Variants in DCLK1 observed in about 807,000 individuals in gnomAD.
DCLK1 encodes serine/threonine-protein kinase DCLK1.
A neutral mutation model predicts 86.2 loss-of-function variants in DCLK1; 16 were observed. The ratio of observed to expected loss-of-function variants is 0.19; its 90% CI spans 0.13 to 0.28. DCLK1 has a LOEUF of 0.28. Among genes scored for constraint, DCLK1 ranks in the 10% least tolerant of loss-of-function variants. DCLK1 has a pLI of 1.00. For missense variants in DCLK1, 590 were observed against 940.2 expected (o/e 0.63, Z 4.87); for synonymous variants, 369 against 370.5 (o/e 1.00, Z 0.05).
At chr13:35,803,183 C>T (rs980538589) in intron 15 of DCLK1, among the ~76,000 whole-genome samples, 2 of 152,304 alleles carry the variant, frequency 1.3e-5, no homozygotes, top group Admixed American at 1.3e-4. Flanking sequence ...GAGAAAATCA[C>T]CCTGCATAGC....
chr13:35,788,543 T>C (rs575734014), intron 16 of DCLK1, among the ~76,000 whole-genome samples: 23 of 152,340 alleles, frequency 1.5e-4, no homozygotes, highest in African/African-American at 5.5e-4. Flanking sequence ...ATTTTAATCA[T>C]GTCCTCTCAA....
At chr13:36,064,730 G>A (rs1883687956) in intron 3 of DCLK1, among the ~76,000 whole-genome samples, 2 of 150,910 alleles carry the variant, frequency 1.3e-5, no homozygotes, top group African/African-American at 2.4e-5. Context: ...AGGAATAACA[G>A]GGTCTATTGT....
chr13:35,936,908 G>A (rs1020106326), intron 4 of DCLK1, among the ~76,000 whole-genome samples: 2 of 149,668 alleles, frequency 1.3e-5, no homozygotes, highest in East Asian at 2.0e-4. Flanking sequence ...AGAGCAGAAT[G>A]TTCCCAGTGA....
At chr13:36,048,011 C>A (rs1434798459) in intron 3 of DCLK1, among the ~76,000 whole-genome samples, 1 of 152,124 alleles carries the variant, frequency 6.6e-6, no homozygotes, top group African/African-American at 2.4e-5. Context: ...GGAGAGTAAA[C>A]TTTAAGTGTT....
chr13:35,971,291 A>G (rs1447014100), intron 3 of DCLK1, among the ~76,000 whole-genome samples: 1 of 152,234 alleles, frequency 6.6e-6, no homozygotes, highest in African/African-American at 2.4e-5. Flanking sequence ...GAAGAAAAGA[A>G]TTAAAAGGGC....
intron 5 of DCLK1, chr13:35,855,411 C>T: frequency 2.5e-6 from 3 of 1,220,414 alleles, no homozygotes; most frequent in South Asian, 1.4e-5. Context: ...ATTACAGCCC[C>T]ACAGTCAGTG....
chr13:36,090,807 T>G (rs1884792148), intron 3 of DCLK1, among the ~76,000 whole-genome samples: 1 of 152,070 alleles, frequency 6.6e-6, no homozygotes, highest in Admixed American at 6.6e-5. Context: ...GGGAGCACAA[T>G]GAGGATCTCA....
chr13:35,966,773 C>T (rs572717670), intron 3 of DCLK1, among the ~76,000 whole-genome samples: 5 of 152,148 alleles, frequency 3.3e-5, no homozygotes, highest in Admixed American at 1.3e-4. Context: ...CCTGAGGTGC[C>T]GGGATTGCAG....
chr13:35,958,292 A>AACCACCACCACC, intron 3 of DCLK1, among the ~76,000 whole-genome samples: 1 of 458 alleles, frequency 2.2e-3, no homozygotes, highest in East Asian at 0.028. Flanking sequence ...CTGCCACTAT[A>AACCACCACCACC]ACCACTATAA....
intron 3 of DCLK1, among the ~76,000 whole-genome samples, chr13:36,110,134 C>G (rs577207574): frequency 6.6e-6 from 1 of 152,176 alleles, no homozygotes; most frequent in South Asian, 2.1e-4. Flanking sequence ...TAGATGAACT[C>G]CCATCTTGAG....
At chr13:36,074,507 AAAAAAAAAAAC>A (rs1884107072) in intron 3 of DCLK1, among the ~76,000 whole-genome samples, 4 of 87,528 alleles carry the variant, frequency 4.6e-5, no homozygotes, top group Admixed American at 1.3e-4. Context: ...AAAAAAAAAA[AAAAAAAAAAAC>A]AGAGAAGACA....
At chr13:35,985,344 C>T (rs1245484928) in intron 3 of DCLK1, among the ~76,000 whole-genome samples, 1 of 151,382 alleles carries the variant, frequency 6.6e-6, no homozygotes, top group African/African-American at 2.4e-5. Context: ...CTGGCAGGCC[C>T]TTTAGAAAAT....
intron 3 of DCLK1, among the ~76,000 whole-genome samples, chr13:35,971,927 G>C (rs1879081505): frequency 6.6e-6 from 1 of 152,086 alleles, no homozygotes; most frequent in African/African-American, 2.4e-5. Context: ...AATAATTCCT[G>C]TCTTCTACCA....
At chr13:36,012,875 T>C (rs1355787310) in intron 3 of DCLK1, among the ~76,000 whole-genome samples, 1 of 20,580 alleles carries the variant, frequency 4.9e-5, no homozygotes, top group Non-Finnish European at 9.9e-5. Flanking sequence ...CAATCAGACG[T>C]AGATTTGGTC....
Position 35,947,364 on chromosome 13 carries a change from C to G in DCLK1, c.817G>C (p.Glu273Gln). 1 of 1,613,498 alleles carries G rather than the reference C, an allele frequency of 6.2e-7. No individual in the cohort carries two copies. Among genetic ancestry groups the G allele is most frequent in the Non-Finnish European group, 8.5e-7 (1 of 1,179,630 alleles). The change falls in exon 4 of 17, where the codon GAA becomes CAA. Residue 273 changes from glutamate (E) to glutamine (Q), a missense_variant. Physicochemically the swap from Glu to Gln is conservative, Grantham distance 29. Transcript: ENST00000360631. ...GAACTTTTTTTTTCCTTACCACTTTCATCTAGCAAGAAATCATCCTGGTAA... is the reference window on the plus strand; with the variant it reads ...GAACTTTTTTTTTCCTTACCACTTTGATCTAGCAAGAAATCATCCTGGTAA... ...FRYQDDFLLD[E>Q]SECRVVKSTS...
At chr13:35,921,192 T>A (rs191812580) in intron 4 of DCLK1, among the ~76,000 whole-genome samples, 1 of 152,258 alleles carries the variant, frequency 6.6e-6, no homozygotes, top group African/African-American at 2.4e-5. Flanking sequence ...GTAAAATGGC[T>A]TTAGAAGGTT....
At chr13:36,049,460 T>G (rs1883051718) in intron 3 of DCLK1, among the ~76,000 whole-genome samples, 1 of 152,210 alleles carries the variant, frequency 6.6e-6, no homozygotes, top group South Asian at 2.1e-4. Context: ...TAAAATAAAC[T>G]TTCCCATTCT....
chr13:35,829,690 T>G (rs1369541844), intron 8 of DCLK1, among the ~76,000 whole-genome samples: 1 of 152,216 alleles, frequency 6.6e-6, no homozygotes, highest in Non-Finnish European at 1.5e-5. Context: ...CAGTGAACAC[T>G]GAATTATGAT....
intron 3 of DCLK1, among the ~76,000 whole-genome samples, chr13:36,069,879 C>T (rs531965070): frequency 2.6e-5 from 4 of 152,148 alleles, no homozygotes; most frequent in African/African-American, 9.7e-5. Flanking sequence ...AAAATTAACA[C>T]TAGAGCAACA....
Sources: gnomAD v4.1 joint callset for allele counts (sites outside exome capture counted in the v4.1 genomes callset) on GRCh38, gnomAD v4.1.1 for gene constraint, MANE v1.5 for transcripts, NCBI Gene and HGNC (gene_info 2026-07-23, HGNC 2026-07-21) for gene names.